Variants in PRELID2 observed in about 807,000 individuals in gnomAD.
PRELID2 encodes PRELI domain-containing protein 2.
Under a neutral mutation model 28.4 loss-of-function variants are expected in PRELID2, and 25 were observed. That is an observed-to-expected ratio of 0.88 (90% CI 0.64 to 1.23). The LOEUF (loss-of-function observed/expected upper bound fraction) is 1.23, where lower values mean the gene tolerates loss of function less well. PRELID2 is among the 50% of genes most tolerant of loss of function. The pLI is 0.00. For synonymous variants in PRELID2, 76 were observed against 71.6 expected, an observed-to-expected ratio of 1.06 and a Z score of -0.31; for missense variants, 201 against 214.4, an observed-to-expected ratio of 0.94 and a Z score of 0.39.
the PRELID2 span, among the ~76,000 whole-genome samples, chr5:145,397,835 G>A: frequency 1.3e-5 from 2 of 152,136 alleles, no homozygotes; most frequent in Non-Finnish European, 2.9e-5. Flanking sequence ...TGCCCTATGG[G>A]AGCCAAAGCA....
intron 1 of PRELID2, among the ~76,000 whole-genome samples, chr5:145,602,000 A>C (rs1164048224): frequency 6.6e-6 from 1 of 152,208 alleles, no homozygotes; most frequent in African/African-American, 2.4e-5. Context: ...TTTATCCACC[A>C]ACTTTCACCA....
chr5:145,371,143 A>G, the PRELID2 span, among the ~76,000 whole-genome samples: 2 of 152,064 alleles, frequency 1.3e-5, no homozygotes, highest in Admixed American at 6.6e-5. Context: ...AGAACTTCCA[A>G]TACTATATTG....
downstream of PRELID2, among the ~76,000 whole-genome samples, chr5:145,755,444 T>A (rs963146119): frequency 2.0e-5 from 3 of 152,162 alleles, no homozygotes; most frequent in African/African-American, 7.2e-5. Flanking sequence ...TACCTTACAG[T>A]CCTGACTTGG....
the PRELID2 span, among the ~76,000 whole-genome samples, chr5:145,231,704 T>C: frequency 6.6e-6 from 1 of 152,028 alleles, no homozygotes; most frequent in African/African-American, 2.4e-5. Flanking sequence ...TACCATCTTC[T>C]TCTCTCTGCT....
At chr5:145,603,669 A>G (rs1753451472) in intron 1 of PRELID2, among the ~76,000 whole-genome samples, 1 of 152,148 alleles carries the variant, frequency 6.6e-6, no homozygotes, top group Non-Finnish European at 1.5e-5. Context: ...ATAAGTATTG[A>G]CTTTTAAAAA....
chr5:145,229,463 G>A, the PRELID2 span: 6 of 907,816 alleles, frequency 6.6e-6, no homozygotes, highest in Non-Finnish European at 1.1e-5. Flanking sequence ...CCCAGCCAAA[G>A]CCCCCAACAC....
At chr5:145,400,177 A>G in the PRELID2 span, among the ~76,000 whole-genome samples, 1 of 152,164 alleles carries the variant, frequency 6.6e-6, no homozygotes, top group African/African-American at 2.4e-5. Context: ...ATATCCGTAC[A>G]TAGTTGTATA....
the PRELID2 span, among the ~76,000 whole-genome samples, chr5:145,386,801 C>A: frequency 6.6e-6 from 1 of 152,268 alleles, no homozygotes; most frequent in Non-Finnish European, 1.5e-5. Flanking sequence ...TAAATGAGCA[C>A]TTGATATGGT....
intron 1 of PRELID2, among the ~76,000 whole-genome samples, chr5:145,482,632 G>T (rs1269113411): frequency 6.6e-6 from 1 of 151,990 alleles, no homozygotes; most frequent in Non-Finnish European, 1.5e-5. Context: ...GATGGTTTTG[G>T]TATGATTCAA....
chr5:145,411,321 AG>A, the PRELID2 span, among the ~76,000 whole-genome samples: 1 of 152,158 alleles, frequency 6.6e-6, no homozygotes, highest in African/African-American at 2.4e-5. Context: ...AGAACAGCAC[AG>A]GAAAGACATG....
intron 4 of PRELID2, among the ~76,000 whole-genome samples, chr5:145,799,243 C>G (rs338900): frequency 6.8e-6 from 1 of 146,706 alleles, no homozygotes; most frequent in African/African-American, 2.5e-5. Flanking sequence ...AAAAAAAAAA[C>G]CTACAAGACA....
the PRELID2 span, among the ~76,000 whole-genome samples, chr5:145,321,597 G>A: frequency 3.1e-4 from 47 of 152,100 alleles, no homozygotes; most frequent in South Asian, 1.2e-3. Context: ...TCACTTGCCC[G>A]CAAGCACCCT....
chr5:145,247,838 G>A, the PRELID2 span, among the ~76,000 whole-genome samples: 5 of 152,058 alleles, frequency 3.3e-5, no homozygotes, highest in Non-Finnish European at 5.9e-5. Context: ...CTACATTCTA[G>A]TTCAGATTAG....
the PRELID2 span, among the ~76,000 whole-genome samples, chr5:145,386,151 C>T: frequency 1.3e-5 from 2 of 151,964 alleles, no homozygotes; most frequent in South Asian, 4.1e-4. Context: ...GAAGCAAACA[C>T]GTTCTTCTTC....
rs140072572 is a variant in PRELID2 at position 145,579,302 on chromosome 5, T to C, written n.71-105987A>G. ...TCAACATTCATACATATAATTCTTGTAAATTATTAGCCTGGATGGGGAGAG... is the reference window on the plus strand; with the variant it reads ...TCAACATTCATACATATAATTCTTGCAAATTATTAGCCTGGATGGGGAGAG... On this transcript the variant is annotated intron_variant and non_coding_transcript_variant, in intron 1 of 2. Transcript: ENST00000510259. 5.9e-3 allele frequency among the ~76,000 whole-genome samples: 904 copies of C among 152,256 alleles called. 12 individuals are homozygous for C. Among genetic ancestry groups the C allele is most frequent in the African/African-American group, 0.02 (837 of 41,568 alleles).
intron 1 of PRELID2, among the ~76,000 whole-genome samples, chr5:145,481,650 A>AAAAAAAAAAAAAAAAAAAAAAAAAAG (rs1752162758): frequency 8.5e-6 from 1 of 117,848 alleles, no homozygotes; most frequent in African/African-American, 3.3e-5. Context: ...AAAAAAAAAA[A>AAAAAAAAAAAAAAAAAAAAAAAAAAG]AAAGAAAGAA....
chr5:145,628,069 T>G (rs556874011), intron 1 of PRELID2, among the ~76,000 whole-genome samples: 2 of 152,168 alleles, frequency 1.3e-5, no homozygotes, highest in African/African-American at 4.8e-5. Context: ...TTTGGGAATA[T>G]TTTACATACA....
intron 1 of PRELID2, among the ~76,000 whole-genome samples, chr5:145,622,794 A>C (rs1753790297): frequency 6.6e-6 from 1 of 152,018 alleles, no homozygotes; most frequent in African/African-American, 2.4e-5. Context: ...TAAGATAAAC[A>C]AAAAAAGACA....
chr5:145,761,562 C>T (rs889061808), intron 6 of PRELID2, among the ~76,000 whole-genome samples: 1 of 152,152 alleles, frequency 6.6e-6, no homozygotes, highest in African/African-American at 2.4e-5. Context: ...CACAACACTC[C>T]TTGATGTTAA....
Sources: allele counts gnomAD v4.1 joint callset (sites outside exome capture counted in the v4.1 genomes callset), GRCh38; gene constraint gnomAD v4.1.1; transcripts MANE v1.5; gene names NCBI Gene and HGNC (gene_info 2026-07-23, HGNC 2026-07-21).